Variants in SLC44A5 observed in about 807,000 individuals in gnomAD.
SLC44A5 encodes solute carrier family 44 member 5.
In SLC44A5, 57 loss-of-function variants were observed where a neutral mutation model predicts 101.8. The observed-to-expected ratio is 0.56, with a 90% CI of 0.45 to 0.70. The LOEUF is 0.70. Among genes scored for constraint, SLC44A5 ranks in the 30% least tolerant of loss-of-function variants. SLC44A5 has a pLI of 0.00. For missense variants in SLC44A5, 737 were observed against 853.1 expected (o/e 0.86, Z 1.70); for synonymous variants, 281 against 290.9 (o/e 0.97, Z 0.35).
intron 5 of SLC44A5, among the ~76,000 whole-genome samples, chr1:75,284,124 C>T (rs656991): frequency 0.83 from 126,562 of 152,160 alleles, 52,915 homozygotes; most frequent in East Asian, 0.97. Context: ...ATTCTACCCA[C>T]CCATGGGCAT....
chr1:75,610,814 T>C (rs1484128509), intron 1 of SLC44A5, among the ~76,000 whole-genome samples: 2 of 152,118 alleles, frequency 1.3e-5, no homozygotes, highest in Non-Finnish European at 2.9e-5. Flanking sequence ...AGGGAGCTGA[T>C]GTAAAAATAC....
chr1:75,546,190 A>AT (rs1336301112), intron 1 of SLC44A5, among the ~76,000 whole-genome samples: 291 of 11,126 alleles, frequency 0.026, 104 homozygotes, highest in Admixed American at 0.18. Context: ...TCAAATTCAA[A>AT]ATTTTTTTTT....
intron 3 of SLC44A5, among the ~76,000 whole-genome samples, chr1:75,358,817 T>C (rs1050563491): frequency 6.6e-6 from 1 of 152,174 alleles, no homozygotes; most frequent in Admixed American, 6.5e-5. Flanking sequence ...CTGATAAACA[T>C]ATCCCTTATG....
At chr1:75,671,577 C>T in the SLC44A5 span, among the ~76,000 whole-genome samples, 1 of 152,270 alleles carries the variant, frequency 6.6e-6, no homozygotes, top group African/African-American at 2.4e-5. Flanking sequence ...ATCTTATTCA[C>T]AGTTCAATAT....
At chr1:75,573,516 A>G (rs1673198152) in intron 1 of SLC44A5, among the ~76,000 whole-genome samples, 2 of 152,208 alleles carry the variant, frequency 1.3e-5, no homozygotes, top group African/African-American at 4.8e-5. Context: ...TATTTAAATA[A>G]AATTGCATGT....
Position 75,242,026 on chromosome 1 carries a change from T to C in SLC44A5, c.507A>G (p.Pro169=), listed in dbSNP as rs1413694987. Reference sequence around the variant, plus strand: ...AAGGTTTGCTGGGAAAAATCGCTGTTGGACAATCATCATCCAGTAAAAGCT... The same window carrying C: ...AAGGTTTGCTGGGAAAAATCGCTGTCGGACAATCATCATCCAGTAAAAGCT... ...LTQLLLDDDC[P]TAIFPSKPFL... The change falls in exon 9 of 24, where the codon CCA becomes CCG. Residue 169 remains proline, a synonymous_variant. Transcript: ENST00000370859. The C allele has an allele frequency of 6.2e-7, 1 of 1,612,270 alleles. No individual in the cohort carries two copies. The highest frequency in any genetic ancestry group is 1.3e-5 in the African/African-American group (1 of 74,782).
Position 75,203,764 on chromosome 1 carries a change from A to G in SLC44A5, c.2117T>C (p.Ile706Thr). 1.9e-6 allele frequency: 3 copies of G among 1,549,676 alleles called. No homozygotes were observed. Among genetic ancestry groups the G allele is most frequent in the Non-Finnish European group, 2.6e-6 (3 of 1,146,084 alleles). ...PYYVSQPLLK[I>T]FQEENPQTRK... ...AGTTTGTGGATTTTCCTCCTGGAAAATCTTCAGCAAAGGTTGACTCACATA... is the reference window on the plus strand; with the variant it reads ...AGTTTGTGGATTTTCCTCCTGGAAAGTCTTCAGCAAAGGTTGACTCACATA... Residue 706 changes from isoleucine (I) to threonine (T), a missense_variant, in exon 24 of 24, where the codon ATT (isoleucine) becomes ACT (threonine). By Grantham distance (89) the Ile-to-Thr change is moderately conservative. Transcript: ENST00000370859.
chr1:75,343,894 A>G (rs1293401286), intron 3 of SLC44A5, among the ~76,000 whole-genome samples: 1 of 152,158 alleles, frequency 6.6e-6, no homozygotes, highest in Non-Finnish European at 1.5e-5. Context: ...ATAAGGAATC[A>G]TGTTCTTAGC....
intron 4 of SLC44A5, among the ~76,000 whole-genome samples, chr1:75,302,614 T>C (rs1436870350): frequency 6.6e-6 from 1 of 152,160 alleles, no homozygotes; most frequent in Non-Finnish European, 1.5e-5. Context: ...AGACCTATGA[T>C]AAAGTTTACT....
chr1:75,634,312 G>C, the SLC44A5 span, among the ~76,000 whole-genome samples: 9 of 152,098 alleles, frequency 5.9e-5, no homozygotes, highest in Non-Finnish European at 1.3e-4. Context: ...GTTCCTCCTT[G>C]TACCTCTGGT....
At chr1:75,511,220 C>T (rs528947797) in intron 2 of SLC44A5, among the ~76,000 whole-genome samples, 1 of 152,264 alleles carries the variant, frequency 6.6e-6, no homozygotes, top group African/African-American at 2.4e-5. Flanking sequence ...TTAGATCTTG[C>T]TATAGTCAGG....
At chr1:75,315,671 C>T (rs888984768) in intron 4 of SLC44A5, among the ~76,000 whole-genome samples, 2 of 152,216 alleles carry the variant, frequency 1.3e-5, no homozygotes, top group Admixed American at 1.3e-4. Context: ...CTCATCTATA[C>T]CATAGTTTCC....
intron 2 of SLC44A5, among the ~76,000 whole-genome samples, chr1:75,447,222 G>A (rs996505711): frequency 6.6e-6 from 1 of 152,100 alleles, no homozygotes; most frequent in African/African-American, 2.4e-5. Flanking sequence ...GAAGTGTTGG[G>A]AGAGAAGGTA....
intron 3 of SLC44A5, among the ~76,000 whole-genome samples, chr1:75,378,569 A>T (rs1325680902): frequency 8.3e-5 from 7 of 84,504 alleles, no homozygotes. Context: ...AAAATCCCAG[A>T]AAGAAACGGA....
intron 5 of SLC44A5, among the ~76,000 whole-genome samples, chr1:75,296,441 C>G (rs987632495): frequency 4.6e-5 from 7 of 151,220 alleles, no homozygotes; most frequent in African/African-American, 1.7e-4. Context: ...AAGCTTCATC[C>G]AATTACCTCA....
the SLC44A5 span, among the ~76,000 whole-genome samples, chr1:75,671,551 A>G: frequency 6.6e-6 from 1 of 152,204 alleles, no homozygotes; most frequent in Admixed American, 6.5e-5. Flanking sequence ...GTTCTCTGAG[A>G]ACAGTAATTG....
At chr1:75,661,654 T>G in the SLC44A5 span, among the ~76,000 whole-genome samples, 1 of 151,662 alleles carries the variant, frequency 6.6e-6, no homozygotes, top group Non-Finnish European at 1.5e-5. Context: ...CTCAAACAAC[T>G]CAACCAAAAA....
At chr1:75,475,721 G>T (rs1312866607) in intron 2 of SLC44A5, among the ~76,000 whole-genome samples, 1 of 152,176 alleles carries the variant, frequency 6.6e-6, no homozygotes, top group African/African-American at 2.4e-5. Flanking sequence ...GAATATCTCA[G>T]CTCTAATCAG....
chr1:75,469,719 T>C (rs966670612), intron 2 of SLC44A5, among the ~76,000 whole-genome samples: 2 of 151,836 alleles, frequency 1.3e-5, no homozygotes, highest in African/African-American at 2.4e-5. Flanking sequence ...ACGGGAGACA[T>C]AGCAAGACGC....
Sources: allele counts gnomAD v4.1 joint callset (sites outside exome capture counted in the v4.1 genomes callset), GRCh38; gene constraint gnomAD v4.1.1; transcripts MANE v1.5; gene names NCBI Gene and HGNC (gene_info 2026-07-23, HGNC 2026-07-21).